Variants in TSGA10IP observed in about 807,000 individuals in gnomAD.
TSGA10IP encodes testis-specific protein 10-interacting protein.
In TSGA10IP, 64 loss-of-function variants were observed where a neutral mutation model predicts 63.2. That is an observed-to-expected ratio of 1.01 (90% CI 0.83 to 1.25). The LOEUF (loss-of-function observed/expected upper bound fraction) is 1.25. Among genes scored for constraint, TSGA10IP ranks in the 50% most tolerant of loss-of-function variants. TSGA10IP has a pLI of 0.00. For missense variants in TSGA10IP, 681 were observed against 710.1 expected (o/e 0.96, Z 0.47); for synonymous variants, 316 against 298.3 (o/e 1.06, Z -0.61).
chr11:65,953,608 G>C (rs764066072), exon 5 of TSGA10IP: 1 of 1,587,080 alleles, frequency 6.3e-7, no homozygotes. Flanking sequence ...CAGGAGGAGC[G>C]GCAGCAGGCC....
chr11:65,948,983 A>G (rs1043224733), intron 4 of TSGA10IP, among the ~76,000 whole-genome samples: 4 of 151,908 alleles, frequency 2.6e-5, no homozygotes, highest in African/African-American at 9.7e-5. Flanking sequence ...TCAAACGAAC[A>G]AACAAACGAA....
At chr11:65,954,726 G>T (rs1311992847) in intron 5 of TSGA10IP, among the ~76,000 whole-genome samples, 1 of 151,678 alleles carries the variant, frequency 6.6e-6, no homozygotes, top group Non-Finnish European at 1.5e-5. Context: ...GCTGAGGCAG[G>T]AGAATTGCTT....
At chr11:65,949,420 A>AT (rs71036256) in intron 4 of TSGA10IP, among the ~76,000 whole-genome samples, 131,798 of 144,978 alleles carry the variant, frequency 0.91, 60,143 homozygotes, top group South Asian at 0.97. Context: ...GCACCCCACA[A>AT]TTTTTTTTTT....
intron 5 of TSGA10IP, 76 bp downstream of exon 5, chr11:65,953,813 G>A: frequency 1.6e-5 from 20 of 1,255,204 alleles, no homozygotes; most frequent in Non-Finnish European, 2.0e-5. Context: ...CTACAGGACC[G>A]AGGAGCACCA....
At chr11:65,947,517 C>A (rs1854859974) in exon 3 of TSGA10IP, 3 of 1,613,618 alleles carry the variant, frequency 1.9e-6, no homozygotes, top group Admixed American at 3.3e-5. Context: ...GGTCTGAGTT[C>A]TGGGGTGCTG....
At chr11:65,954,693 C>T (rs1216599203) in intron 5 of TSGA10IP, among the ~76,000 whole-genome samples, 1 of 151,920 alleles carries the variant, frequency 6.6e-6, no homozygotes, top group African/African-American at 2.4e-5. Context: ...TGGCACATAC[C>T]TGTAATCCTA....
intron 7 of TSGA10IP, 47 bp downstream of exon 7, chr11:65,959,361 G>T: frequency 6.3e-7 from 1 of 1,596,418 alleles, no homozygotes; most frequent in South Asian, 1.1e-5. Flanking sequence ...ATGCTGCTGC[G>T]GGAAGGGGCG....
At chr11:65,946,812 G>C in intron 1 of TSGA10IP, 68 bp from the exon 2 acceptor site, 1 of 1,546,152 alleles carries the variant, frequency 6.5e-7, no homozygotes, top group South Asian at 1.2e-5. Flanking sequence ...GGGAGCACCC[G>C]GGTGAGGTGC....
At position 65,946,592 on chromosome 11, in the gene TSGA10IP, C is replaced by T. The variant is rs186787047; in HGVS notation, c.148-288C>T. Among the ~76,000 whole-genome samples, 20 of 152,234 alleles carry T rather than the reference C, an allele frequency of 1.3e-4. No homozygotes were observed. In the East Asian group the frequency reaches 3.7e-3, roughly 28 times the overall value. On this transcript the variant is annotated intron_variant, in intron 1 of 7. Transcript: ENST00000532620. ...GATTACAGGCGCAGGCCACCACACTCGGCTAATTTTTTTTGTATTTTTAGT... is the reference window on the plus strand; with the variant it reads ...GATTACAGGCGCAGGCCACCACACTTGGCTAATTTTTTTTGTATTTTTAGT...
intron 5 of TSGA10IP, among the ~76,000 whole-genome samples, chr11:65,954,128 G>A (rs566522314): frequency 6.6e-6 from 1 of 151,998 alleles, no homozygotes; most frequent in Non-Finnish European, 1.5e-5. Flanking sequence ...GTCAGCTGAA[G>A]AGTCGCGTTT....
intron 5 of TSGA10IP, among the ~76,000 whole-genome samples, chr11:65,953,957 A>G (rs142325722): frequency 1.1e-4 from 17 of 152,342 alleles, no homozygotes; most frequent in African/African-American, 3.8e-4. Context: ...TGAATGGTCA[A>G]GGTTAAAATA....
exon 6 of TSGA10IP, chr11:65,958,908 G>A (rs1171964507): frequency 3.1e-6 from 5 of 1,613,154 alleles, no homozygotes; most frequent in Non-Finnish European, 4.2e-6. Context: ...GCGCTTTGCT[G>A]AGTACCAGGC....
chr11:65,945,965 C>T (rs1390656049), intron 1 of TSGA10IP, 143 bp downstream of exon 1: 2 of 1,019,302 alleles, frequency 2.0e-6, no homozygotes, highest in African/African-American at 3.2e-5. Context: ...GGGACAGGGA[C>T]CACAGGGAGG....
chr11:65,958,545 G>A (rs1359037210), intron 5 of TSGA10IP, among the ~76,000 whole-genome samples: 2 of 152,174 alleles, frequency 1.3e-5, no homozygotes, highest in African/African-American at 2.4e-5. Context: ...ATGTAAGCAC[G>A]TGTCTGGAAG....
intron 3 of TSGA10IP, 45 bp downstream of exon 3, chr11:65,947,873 C>A: frequency 6.6e-7 from 1 of 1,513,236 alleles, no homozygotes; most frequent in Non-Finnish European, 8.9e-7. Flanking sequence ...AGCTACACCG[C>A]AGGGAACAGG....
chr11:65,945,737 G>T (rs1555054792), exon 1 of TSGA10IP: 1 of 1,611,916 alleles, frequency 6.2e-7, no homozygotes, highest in South Asian at 1.1e-5. Flanking sequence ...CCGTCGGTGC[G>T]ACCAGGGCAG....
rs1854973240 is a variant in TSGA10IP at position 65,953,501 on chromosome 11, C to T, written c.1152-66C>T. ...AGGCTTCCATATTCCCTTATCCAGC[C>T]CCTGGCCCTCCGTGAGGCTCCTGCT... On this transcript the variant is annotated intron_variant, in intron 4 of 7. Coordinates refer to ENST00000532620, the Ensembl canonical transcript of TSGA10IP. 9.4e-6 allele frequency: 14 copies of T among 1,485,944 alleles called. No homozygotes were observed. The South Asian group carries it at 1.8e-4, about 19-fold the overall frequency. 92.0% of individuals were successfully genotyped at this position (1,485,944 alleles called of 1,614,324 possible). A position where few individuals can be genotyped will look rare whatever the true frequency, so the allele number is the denominator to read the frequency against.
At chr11:65,949,053 G>T (rs1003837413) in intron 4 of TSGA10IP, among the ~76,000 whole-genome samples, 1 of 151,686 alleles carries the variant, frequency 6.6e-6, no homozygotes, top group Non-Finnish European at 1.5e-5. Flanking sequence ...AAAAAAAAAA[G>T]ATTAGCCTGG....
exon 2 of TSGA10IP, chr11:65,946,950 C>T (rs1854846337): frequency 1.9e-6 from 3 of 1,613,980 alleles, no homozygotes; most frequent in Non-Finnish European, 2.5e-6. Flanking sequence ...TCAAGGCAGA[C>T]AGCAAAGAAG....
Sources: allele counts gnomAD v4.1 joint callset (sites outside exome capture counted in the v4.1 genomes callset), GRCh38; gene constraint gnomAD v4.1.1; transcripts MANE v1.5; gene names NCBI Gene and HGNC (gene_info 2026-07-23, HGNC 2026-07-21).